The following PPP1R1C variants were observed in gnomAD, a reference collection of about 807,000 sequenced individuals.
PPP1R1C encodes protein phosphatase 1 regulatory subunit 1C.
Under a neutral mutation model 17.4 loss-of-function variants are expected in PPP1R1C, and 15 were observed. That is an observed-to-expected ratio of 0.86 (90% CI 0.58 to 1.33). The LOEUF (loss-of-function observed/expected upper bound fraction) is 1.33, where lower values mean the gene tolerates loss of function less well. PPP1R1C is among the 40% of genes most tolerant of loss of function. PPP1R1C has a pLI of 0.00. For missense variants in PPP1R1C, 143 were observed against 130.0 expected, an observed-to-expected ratio of 1.10 and a Z score of -0.48; for synonymous variants, 35 against 43.1, an observed-to-expected ratio of 0.81 and a Z score of 0.73.
chr2:182,098,559 T>C (rs1360185473), intron 4 of PPP1R1C, among the ~76,000 whole-genome samples: 1 of 152,076 alleles, frequency 6.6e-6, no homozygotes, highest in Non-Finnish European at 1.5e-5. Flanking sequence ...AAATGAAAAA[T>C]GTGATTCTAA....
chr2:182,055,012 C>T (rs962416807), intron 2 of PPP1R1C, among the ~76,000 whole-genome samples: 4 of 151,948 alleles, frequency 2.6e-5, no homozygotes, highest in Admixed American at 6.6e-5. Context: ...AATATAATTA[C>T]TGCTATGTTA....
intron 2 of PPP1R1C, among the ~76,000 whole-genome samples, chr2:182,024,860 A>G (rs1333829246): frequency 3.0e-5 from 4 of 134,504 alleles, no homozygotes; most frequent in Non-Finnish European, 6.1e-5. Flanking sequence ...GTCTCAAAAA[A>G]CAAACAAACA....
At chr2:181,983,828 G>A (rs1249894442), upstream of PPP1R1C, among the ~76,000 whole-genome samples, 1 of 152,168 alleles carries the variant, frequency 6.6e-6, no homozygotes, top group African/African-American at 2.4e-5. Context: ...GTGGAGAACA[G>A]TAAATCTACA....
intron 4 of PPP1R1C, among the ~76,000 whole-genome samples, chr2:182,108,378 A>G (rs1689318140): frequency 1.3e-5 from 2 of 151,688 alleles, no homozygotes; most frequent in Non-Finnish European, 2.9e-5. Flanking sequence ...TTTCTGTGCC[A>G]TCCTGTTCTC....
intron 2 of PPP1R1C, among the ~76,000 whole-genome samples, chr2:182,017,233 A>G (rs1222858927): frequency 6.6e-6 from 1 of 151,494 alleles, no homozygotes; most frequent in Non-Finnish European, 1.5e-5. Context: ...CTGGAAACAC[A>G]CTCATATATG....
intron 4 of PPP1R1C, among the ~76,000 whole-genome samples, chr2:182,081,432 A>G (rs1336690926): frequency 6.6e-6 from 1 of 152,204 alleles, no homozygotes; most frequent in Non-Finnish European, 1.5e-5. Context: ...TGCAGTAGTT[A>G]TAGAAAGTAG....
rs556961434 is a variant in PPP1R1C at position 181,980,119 on chromosome 2, G to C, written n.157+4855G>C. Among the ~76,000 whole-genome samples, 6 of 152,094 alleles carry C rather than the reference G, an allele frequency of 3.9e-5. No homozygotes were observed. In the South Asian group the frequency reaches 1.2e-3, roughly 32 times the overall value. On this transcript the variant is annotated intron_variant and non_coding_transcript_variant, in intron 2 of 5. Transcript: ENST00000464264. ...TTGGGATCTTATTGTATTTGTGTTT[G>C]TATCACTGTGTCTGTCATAGAATGA...
intron 4 of PPP1R1C, among the ~76,000 whole-genome samples, chr2:182,088,704 A>G (rs1688700034): frequency 6.6e-6 from 1 of 152,194 alleles, no homozygotes; most frequent in South Asian, 2.1e-4. Context: ...TCGGTATTCC[A>G]ACTACACTGA....
chr2:182,044,555 G>A (rs779626379), intron 2 of PPP1R1C, among the ~76,000 whole-genome samples: 9 of 152,084 alleles, frequency 5.9e-5, no homozygotes, highest in Non-Finnish European at 1.0e-4. Context: ...AGCTTATAAA[G>A]ATTTATTTCC....
chr2:182,091,672 A>G (rs984987729), intron 4 of PPP1R1C, among the ~76,000 whole-genome samples: 1 of 152,126 alleles, frequency 6.6e-6, no homozygotes, highest in Non-Finnish European at 1.5e-5. Context: ...TAGGATGTGT[A>G]TGGACATCCC....
intron 2 of PPP1R1C, among the ~76,000 whole-genome samples, chr2:182,011,919 T>G (rs1488119505): frequency 6.6e-6 from 1 of 152,040 alleles, no homozygotes; most frequent in East Asian, 1.9e-4. Flanking sequence ...TGTGTGTGTA[T>G]AGTTTCCAAA....
At chr2:182,076,205 T>C (rs1415320226) in intron 4 of PPP1R1C, among the ~76,000 whole-genome samples, 1 of 47,456 alleles carries the variant, frequency 2.1e-5, no homozygotes, top group African/African-American at 6.6e-5. Flanking sequence ...TTCTTTTTTT[T>C]TTTTTTTTTT....
At chr2:182,021,321 CTTTTTTTTTTTT>C (rs71008205) in intron 2 of PPP1R1C, among the ~76,000 whole-genome samples, 186 of 89,652 alleles carry the variant, frequency 2.1e-3, no homozygotes, top group African/African-American at 6.8e-3. Context: ...CTCTCTCTCT[CTTTTTTTTTTTT>C]TTTTTTTTTT....
chr2:182,088,264 A>T (rs1688688278), intron 4 of PPP1R1C, among the ~76,000 whole-genome samples: 1 of 152,196 alleles, frequency 6.6e-6, no homozygotes, highest in East Asian at 1.9e-4. Flanking sequence ...GATGCAAGCA[A>T]ATCTTATAAC....
downstream of PPP1R1C, chr2:182,130,281 G>A (rs965386586): frequency 1.3e-5 from 2 of 152,000 alleles, no homozygotes; most frequent in African/African-American, 4.8e-5. Context: ...ACTTTGTATT[G>A]CCAAAGAAAT....
At chr2:182,017,583 T>C (rs11894897) in intron 2 of PPP1R1C, among the ~76,000 whole-genome samples, 1 of 152,102 alleles carries the variant, frequency 6.6e-6, no homozygotes. Context: ...ATTGAAATAA[T>C]TTTTCACTTA....
intron 2 of PPP1R1C, among the ~76,000 whole-genome samples, chr2:182,045,440 C>A (rs1281913804): frequency 1.3e-4 from 19 of 147,004 alleles, no homozygotes; most frequent in South Asian, 2.2e-4. Context: ...CTGTTAGTAA[C>A]AAAAAAAAAA....
intron 2 of PPP1R1C, among the ~76,000 whole-genome samples, chr2:182,026,632 G>A (rs970163461): frequency 2.6e-5 from 4 of 152,240 alleles, no homozygotes; most frequent in Middle Eastern, 3.4e-3. Context: ...ATAGTTTGAA[G>A]TCAGGTAGTG....
chr2:182,005,909 A>G (rs188069358), intron 2 of PPP1R1C, among the ~76,000 whole-genome samples: 3 of 152,334 alleles, frequency 2.0e-5, no homozygotes, highest in Admixed American at 2.0e-4. Flanking sequence ...TGCCTACTTC[A>G]CAGGGTAGTT....
Sources: allele counts gnomAD v4.1 joint callset (sites outside exome capture counted in the v4.1 genomes callset), GRCh38; gene constraint gnomAD v4.1.1; transcripts MANE v1.5; gene names NCBI Gene and HGNC (gene_info 2026-07-23, HGNC 2026-07-21).